The following PRH1 variants were observed in gnomAD, a reference collection of about 807,000 sequenced individuals.
PRH1 encodes salivary acidic proline-rich phosphoprotein 1/2.
In PRH1, 7 loss-of-function variants were observed where a neutral mutation model predicts 7.9. The observed-to-expected ratio is 0.89, with a 90% CI of 0.50 to 1.67. The LOEUF (loss-of-function observed/expected upper bound fraction) is 1.67. PRH1 is among the 40% of genes most tolerant of loss of function. The pLI is 0.00. For missense variants in PRH1, 109 were observed against 223.6 expected, an observed-to-expected ratio of 0.49 and a Z score of 3.27; for synonymous variants, 45 against 80.8, an observed-to-expected ratio of 0.56 and a Z score of 2.38.
At position 11,087,785 on chromosome 12, in the gene PRH1, T is replaced by A. The variant is rs1944755829; in HGVS notation, n.124-40597A>T. On this transcript the variant is annotated intron_variant and non_coding_transcript_variant, in intron 1 of 4. Coordinates refer to the PRH1 transcript ENST00000541977. ...GATGGATTACAGAATCAATGCAGAC[T>A]ACCATGAACTTAAATAAACACTCAC... 1.8e-5 allele frequency among the ~76,000 whole-genome samples: 2 copies of A among 112,848 alleles called. 1 individual carries two copies. The allele number at this position is 112,848 out of a possible 152,430, so 74.0% of individuals were successfully genotyped here.
Position 11,030,857 on chromosome 12 carries a change from C to A in PRH1, c.-126+16163G>T, listed in dbSNP as rs140958087. 5.4e-4 allele frequency: 870 copies of A among 1,614,166 alleles called. 2 individuals carry two copies. The East Asian group carries it at 0.016, about 30-fold the overall frequency. ...CAATTTGATCTTCCAAGTCAAGTTT[C>A]CTTCATATTCTTTTGTCCGTACAAT... On this transcript the variant is annotated intron_variant, in intron 1 of 3. Transcript: ENST00000539853.
chr12:10,975,931 A>C (rs1229265254), intron 1 of PRH1, among the ~76,000 whole-genome samples: 1 of 152,198 alleles, frequency 6.6e-6, no homozygotes, highest in East Asian at 1.9e-4. Context: ...GCAAGTTCTT[A>C]GAGACCTATG....
chr12:11,159,789 T>A (rs1947359748), intron 1 of PRH1: 1 of 152,240 alleles, frequency 6.6e-6, no homozygotes, highest in African/African-American at 2.4e-5. Flanking sequence ...TCTATCTATG[T>A]TTTCATCACA....
intron 1 of PRH1, among the ~76,000 whole-genome samples, chr12:11,099,780 T>C (rs1338665194): frequency 6.6e-6 from 1 of 152,108 alleles, no homozygotes; most frequent in East Asian, 1.9e-4. Context: ...GGGTCTTCTC[T>C]TGCAGAAAAA....
At chr12:11,071,663 A>C (rs1285706587) in intron 1 of PRH1, among the ~76,000 whole-genome samples, 4 of 152,198 alleles carry the variant, frequency 2.6e-5, no homozygotes, top group Non-Finnish European at 5.9e-5. Flanking sequence ...GTTCTAAATA[A>C]ATGCCAAGAA....
At chr12:10,932,219 T>A (rs577959227) in intron 2 of PRH1, 2 of 436,784 alleles carry the variant, frequency 4.6e-6, no homozygotes, top group South Asian at 3.2e-5. Flanking sequence ...TTCCTTGTCT[T>A]TTTCAGGAAG....
At chr12:10,914,452 T>C (rs1400509217) in intron 2 of PRH1, among the ~76,000 whole-genome samples, 1 of 152,220 alleles carries the variant, frequency 6.6e-6, no homozygotes, top group East Asian at 1.9e-4. Context: ...ATAATTAACC[T>C]TGGATCCAAG....
At chr12:11,105,018 A>C (rs1945369026) in intron 1 of PRH1, among the ~76,000 whole-genome samples, 1 of 151,828 alleles carries the variant, frequency 6.6e-6, no homozygotes, top group Non-Finnish European at 1.5e-5. Context: ...ATTTCATTAT[A>C]AATTGTCTAA....
chr12:11,001,505 T>C (rs1194223484), intron 1 of PRH1, among the ~76,000 whole-genome samples: 2 of 152,072 alleles, frequency 1.3e-5, no homozygotes, highest in Admixed American at 6.6e-5. Flanking sequence ...TGCCAGGGGA[T>C]AGATGCACAA....
At chr12:11,061,328 T>C (rs994614992) in intron 1 of PRH1, 1 of 1,574,754 alleles carries the variant, frequency 6.4e-7, no homozygotes, top group Non-Finnish European at 8.6e-7. Flanking sequence ...ACACGTTTGT[T>C]TTCTGCTAGA....
chr12:10,898,728 G>A (rs1243568451), intron 2 of PRH1, among the ~76,000 whole-genome samples: 2 of 152,144 alleles, frequency 1.3e-5, no homozygotes, highest in African/African-American at 4.8e-5. Flanking sequence ...AGGTGCTTAG[G>A]GAAGGACTCA....
At chr12:10,966,193 T>C (rs1938491249) in intron 2 of PRH1, among the ~76,000 whole-genome samples, 1 of 152,218 alleles carries the variant, frequency 6.6e-6, no homozygotes, top group Non-Finnish European at 1.5e-5. Context: ...CTTGGTAAAG[T>C]TACTCTCAAG....
At chr12:11,005,048 G>A (rs550349458) in intron 1 of PRH1, among the ~76,000 whole-genome samples, 1 of 152,044 alleles carries the variant, frequency 6.6e-6, no homozygotes, top group Non-Finnish European at 1.5e-5. Context: ...TAAATTCTAT[G>A]TGCACCTGAT....
rs568499823 is a variant in PRH1, at chr12:11,090,488, G to T, written n.124-43300C>A. Among the ~76,000 whole-genome samples, 9 of 92,216 alleles carry T rather than the reference G, an allele frequency of 9.8e-5. 2 individuals carry two copies. The highest frequency in any genetic ancestry group is 2.1e-4 in the Non-Finnish European group (8 of 37,590). 60.5% of individuals were successfully genotyped at this position (92,216 alleles called of 152,430 possible). A position where few individuals can be genotyped will look rare whatever the true frequency, so the allele number is the denominator to read the frequency against. ...AACAGATTTTCTTTAATTCAAAAGC[G>T]GAAGAAATGACGTTTCTAACTGCAT... On this transcript the variant is annotated intron_variant and non_coding_transcript_variant, in intron 1 of 4. Coordinates refer to the PRH1 transcript ENST00000541977.
intron 1 of PRH1, among the ~76,000 whole-genome samples, chr12:11,074,162 C>T (rs1246442152): frequency 2.7e-5 from 4 of 149,046 alleles, no homozygotes; most frequent in Non-Finnish European, 6.0e-5. Context: ...TATCTGTGGG[C>T]ATGAAGTCTT....
At chr12:11,053,241 TTATGTTG>T (rs1943228676) in intron 1 of PRH1, among the ~76,000 whole-genome samples, 1 of 152,194 alleles carries the variant, frequency 6.6e-6, no homozygotes, top group African/African-American at 2.4e-5. Context: ...TTCACTTTGC[TTATGTTG>T]TTGAAAAGGT....
chr12:10,994,889 C>G (rs1046700374), intron 1 of PRH1, among the ~76,000 whole-genome samples: 1 of 152,046 alleles, frequency 6.6e-6, no homozygotes, highest in South Asian at 2.1e-4. Flanking sequence ...AAGATATGTG[C>G]ACTTATACAA....
At chr12:10,948,283 T>C (rs1950518107) in intron 2 of PRH1, among the ~76,000 whole-genome samples, 1 of 152,230 alleles carries the variant, frequency 6.6e-6, no homozygotes, top group South Asian at 2.1e-4. Context: ...AGATTTAACC[T>C]CTTTTTATAA....
chr12:11,135,747 GA>G (rs1160239175), intron 1 of PRH1, among the ~76,000 whole-genome samples: 3 of 152,004 alleles, frequency 2.0e-5, no homozygotes, highest in African/African-American at 7.3e-5. Context: ...AAATCCTTTG[GA>G]AAAATCTGGG....
Sources: allele counts gnomAD v4.1 joint callset (sites outside exome capture counted in the v4.1 genomes callset), GRCh38; gene constraint gnomAD v4.1.1; transcripts MANE v1.5; gene names NCBI Gene and HGNC (gene_info 2026-07-23, HGNC 2026-07-21).